Variants in TTLL5 observed in about 807,000 individuals in gnomAD.
TTLL5 encodes tubulin polyglutamylase TTLL5.
TTLL5 carries 132 observed loss-of-function variants against 168.4 expected under a neutral mutation model. That is an observed-to-expected ratio of 0.78 (90% CI 0.68 to 0.91). The LOEUF is 0.91. Ranked by LOEUF, TTLL5 falls within the 40% of genes least tolerant of loss-of-function variation. The pLI is 0.00. For missense variants in TTLL5, 1,545 were observed against 1,581.5 expected, an observed-to-expected ratio of 0.98 and a Z score of 0.39; for synonymous variants, 546 against 558.6, an observed-to-expected ratio of 0.98 and a Z score of 0.32.
intron 18 of TTLL5, chr14:75,757,774 TA>T: frequency 6.6e-7 from 1 of 1,513,440 alleles, no homozygotes; most frequent in South Asian, 1.3e-5. Context: ...TGTGTGAACT[TA>T]AGAGAGACTA....
intron 9 of TTLL5, among the ~76,000 whole-genome samples, chr14:75,708,777 C>T (rs1594903761): frequency 6.6e-6 from 1 of 152,142 alleles, no homozygotes; most frequent in Admixed American, 6.5e-5. Context: ...TATGTAACTA[C>T]TATGCTGTGT....
intron 20 of TTLL5, among the ~76,000 whole-genome samples, chr14:75,769,748 G>C (rs1891168047): frequency 6.6e-6 from 1 of 152,202 alleles, no homozygotes; most frequent in Admixed American, 6.5e-5. Flanking sequence ...GACCCAAACT[G>C]AGGATCTTTT....
In TTLL5 at chr14:75,792,590, AT is replaced by A. The variant is rs1444589448; in HGVS notation, c.2987-325del. On this transcript the variant is annotated intron_variant, in intron 26 of 31. Coordinates refer to ENST00000298832, the MANE Select transcript of TTLL5 (RefSeq NM_015072.5). ...ACAAGAATTATAATGAGTTTCAAAT[AT>A]GTATTTTTTATTCAGTAAGATTAGC... Among the ~76,000 whole-genome samples, 3 of 152,272 alleles carry A rather than the reference AT, an allele frequency of 2.0e-5. No homozygotes were observed. In the East Asian group the frequency reaches 5.8e-4, roughly 29 times the overall value.
Position 75,886,843 on chromosome 14 carries a change from T to C in TTLL5, c.3740+3941T>C, listed in dbSNP as rs544247640. 45 of 1,528,842 alleles carry C rather than the reference T, an allele frequency of 2.9e-5. No individual in the cohort carries two copies. In the African/African-American group the frequency reaches 5.8e-4, roughly 20 times the overall value. 94.7% of individuals were successfully genotyped at this position (1,528,842 alleles called of 1,614,324 possible). A position where few individuals can be genotyped will look rare whatever the true frequency, so the allele number is the denominator to read the frequency against. On this transcript the variant is annotated intron_variant, in intron 30 of 31. Transcript: ENST00000298832. ...GCTTTTTTCAGAGCCAGAATCATAC[T>C]CTCCAGGAAATATGGAGAAAGAAAC... is the stretch of plus-strand genomic sequence containing the variant.
chr14:75,766,270 A>G lies in TTLL5; in HGVS notation c.1917A>G (p.Glu639=), dbSNP rs1890966015. 1.2e-6 allele frequency: 2 copies of G among 1,613,990 alleles called. No homozygotes were observed. Among genetic ancestry groups the G allele is most frequent in the South Asian group, 2.2e-5 (2 of 91,086 alleles). Residue 639 remains glutamate, a synonymous_variant, in exon 20 of 32, where the codon GAA becomes GAG. Transcript: ENST00000298832. The part of the protein sequence containing the change: ...TPKENSMKVR[E]WNNKGGHCCK... ...AAGAAAATTCCATGAAAGTTCGTGA[A>G]TGGAATAATAAAGGTGGACACTGCT... is the stretch of plus-strand genomic sequence containing the variant.
intron 27 of TTLL5, among the ~76,000 whole-genome samples, chr14:75,793,768 CCTT>C (rs1314896706): frequency 6.6e-6 from 1 of 152,180 alleles, no homozygotes; most frequent in African/African-American, 2.4e-5. Flanking sequence ...TTCTCTTTGT[CCTT>C]CTTGCTGGTT....
At chr14:75,676,716 A>G (rs954234398) in intron 3 of TTLL5, among the ~76,000 whole-genome samples, 9 of 147,150 alleles carry the variant, frequency 6.1e-5, no homozygotes, top group Non-Finnish European at 1.1e-4. Context: ...TGGCAGTTGT[A>G]TTTTTCTTTT....
intron 2 of TTLL5, among the ~76,000 whole-genome samples, chr14:75,668,410 G>A (rs561239905): frequency 5.3e-5 from 8 of 152,240 alleles, no homozygotes; most frequent in Non-Finnish European, 8.8e-5. Flanking sequence ...ATGGGCAGGG[G>A]GATTAAGTGA....
intron 17 of TTLL5, 29 bp downstream of exon 17, chr14:75,745,610 T>G: frequency 6.3e-7 from 1 of 1,575,842 alleles, no homozygotes; most frequent in South Asian, 1.1e-5. Flanking sequence ...TTTTTTATTC[T>G]TTACCTGAGG....
chr14:75,733,761 A>G (rs532160954), intron 13 of TTLL5, among the ~76,000 whole-genome samples: 5 of 152,310 alleles, frequency 3.3e-5, no homozygotes, highest in African/African-American at 7.2e-5. Context: ...TAGAGAATCA[A>G]TGGATGGTGC....
intron 30 of TTLL5, among the ~76,000 whole-genome samples, chr14:75,891,142 T>TCA: frequency 6.6e-6 from 1 of 152,244 alleles, no homozygotes. Flanking sequence ...TCATACTCTA[T>TCA]CACCGCTTTG....
chr14:75,939,910 T>C (rs2034546351), intron 31 of TTLL5, among the ~76,000 whole-genome samples: 1 of 152,038 alleles, frequency 6.6e-6, no homozygotes, highest in Admixed American at 6.6e-5. Context: ...TAAAAATCCA[T>C]TCTAATGCCC....
intron 29 of TTLL5, among the ~76,000 whole-genome samples, chr14:75,868,023 G>A (rs1285771770): frequency 2.0e-5 from 3 of 152,216 alleles, no homozygotes; most frequent in African/African-American, 4.8e-5. Context: ...GCTGGGGTCT[G>A]TGAGGAGGGC....
At chr14:75,836,947 C>G (rs1895901671) in intron 28 of TTLL5, among the ~76,000 whole-genome samples, 1 of 152,094 alleles carries the variant, frequency 6.6e-6, no homozygotes, top group Non-Finnish European at 1.5e-5. Context: ...TAAAATTTAT[C>G]AATGTGATTG....
In TTLL5 at chr14:75,882,685, G is replaced by A; in HGVS notation, c.3523G>A (p.Ala1175Thr). ...LLDQSRARHQ[A>T]IFGSQTLPNS... ...CATTTTTTTCCTTTTTTTTTTGTAG[G>A]CAATCTTTGGCAGCCAGACACTACC... The change falls in exon 30 of 32, where the codon GCA (alanine) becomes ACA (threonine). Residue 1175 changes from alanine to threonine, a missense_variant and splice_region_variant. Transcript: ENST00000298832. 2 of 1,599,372 alleles carry A rather than the reference G, an allele frequency of 1.3e-6. No individual in the cohort carries two copies. The highest frequency in any genetic ancestry group is 1.7e-6 in the Non-Finnish European group (2 of 1,174,248).
intron 30 of TTLL5, among the ~76,000 whole-genome samples, chr14:75,884,221 G>A (rs1425071965): frequency 6.6e-6 from 1 of 152,182 alleles, no homozygotes; most frequent in Non-Finnish European, 1.5e-5. Context: ...TCACAGATTT[G>A]GAAAGCCCGT....
chr14:75,924,429 GGCCTTC>G (rs2033937159), intron 31 of TTLL5, among the ~76,000 whole-genome samples: 1 of 151,688 alleles, frequency 6.6e-6, no homozygotes, highest in Non-Finnish European at 1.5e-5. Context: ...AGGACCCTGC[GGCCTTC>G]CGCAGTGTTT....
intron 31 of TTLL5, among the ~76,000 whole-genome samples, chr14:75,912,712 G>A (rs2033441356): frequency 6.6e-6 from 1 of 152,096 alleles, no homozygotes. Flanking sequence ...GGTTCTAAAG[G>A]AAGTATTTTA....
intron 3 of TTLL5, among the ~76,000 whole-genome samples, chr14:75,675,797 T>C (rs1323278555): frequency 6.6e-6 from 1 of 152,122 alleles, no homozygotes; most frequent in Non-Finnish European, 1.5e-5. Flanking sequence ...TTAGTCAGGG[T>C]GTTCCAGAGA....
Sources: allele counts gnomAD v4.1 joint callset (sites outside exome capture counted in the v4.1 genomes callset), GRCh38; gene constraint gnomAD v4.1.1; transcripts MANE v1.5; gene names NCBI Gene and HGNC (gene_info 2026-07-23, HGNC 2026-07-21).